KIF6: variants seen among roughly 807,000 people sequenced by gnomAD.
KIF6 encodes the protein kinesin family member 6.
In KIF6, 106 loss-of-function variants were observed where a neutral mutation model predicts 112.7. That is an observed-to-expected ratio of 0.94 (90% CI 0.80 to 1.11). The LOEUF is 1.11. Among genes scored for constraint, KIF6 ranks in the 50% least tolerant of loss-of-function variants. KIF6 has a pLI of 0.00. For synonymous variants in KIF6, 339 were observed against 339.9 expected, an observed-to-expected ratio of 1.00 and a Z score of 0.03; for missense variants, 929 against 964.0, an observed-to-expected ratio of 0.96 and a Z score of 0.48.
At chr6:39,488,226 T>C (rs764631214) in intron 13 of KIF6, among the ~76,000 whole-genome samples, 2 of 152,240 alleles carry the variant, frequency 1.3e-5, no homozygotes, top group Non-Finnish European at 2.9e-5. Context: ...CTAGGAGAAG[T>C]AATGCTTAAA....
At chr6:39,709,757 G>C (rs1789430310) in intron 3 of KIF6, among the ~76,000 whole-genome samples, 1 of 152,182 alleles carries the variant, frequency 6.6e-6, no homozygotes, top group Admixed American at 6.5e-5. Flanking sequence ...TAAAGGGCTA[G>C]TTTAAAGTGG....
chr6:39,585,551 A>C (rs1247497707), intron 8 of KIF6, among the ~76,000 whole-genome samples: 1 of 152,218 alleles, frequency 6.6e-6, no homozygotes, highest in East Asian at 1.9e-4. Context: ...AAAGTGAGAG[A>C]TCACAAGGTC....
chr6:39,535,467 G>C (rs1778363923), intron 13 of KIF6, among the ~76,000 whole-genome samples: 1 of 152,050 alleles, frequency 6.6e-6, no homozygotes, highest in Non-Finnish European at 1.5e-5. Flanking sequence ...AGACAAAGAA[G>C]GCCATTACAT....
intron 3 of KIF6, among the ~76,000 whole-genome samples, chr6:39,699,536 G>T (rs1404819222): frequency 1.3e-5 from 2 of 152,142 alleles, no homozygotes; most frequent in Non-Finnish European, 2.9e-5. Context: ...GTTTACAAGG[G>T]GGAAGTGGAT....
intron 19 of KIF6, among the ~76,000 whole-genome samples, chr6:39,351,076 G>A (rs893869445): frequency 1.4e-4 from 21 of 152,070 alleles, no homozygotes. Flanking sequence ...CACCGAAGGG[G>A]CTTGGGGTGG....
intron 14 of KIF6, among the ~76,000 whole-genome samples, chr6:39,422,872 T>G (rs910538770): frequency 3.9e-5 from 6 of 152,104 alleles, no homozygotes; most frequent in Admixed American, 3.9e-4. Context: ...CGCATCCTCA[T>G]CCATGAGATG....
chr6:39,416,886 G>A (rs923327814), intron 15 of KIF6, among the ~76,000 whole-genome samples: 4 of 152,090 alleles, frequency 2.6e-5, no homozygotes, highest in Admixed American at 6.5e-5. Flanking sequence ...GGCCAATTAC[G>A]TGTGTACCCC....
intron 6 of KIF6, among the ~76,000 whole-genome samples, chr6:39,612,569 C>G (rs1783273987): frequency 6.6e-6 from 1 of 152,176 alleles, no homozygotes; most frequent in African/African-American, 2.4e-5. Flanking sequence ...GTCAGATTAA[C>G]AATGAATAAT....
intron 13 of KIF6, among the ~76,000 whole-genome samples, chr6:39,460,644 A>G (rs1290539219): frequency 6.6e-6 from 1 of 151,776 alleles, no homozygotes. Context: ...GATAACAACT[A>G]TGGGAATAAA....
chr6:39,690,380 A>G (rs1342962254), intron 3 of KIF6: 1 of 152,210 alleles, frequency 6.6e-6, no homozygotes, highest in Non-Finnish European at 1.5e-5. Flanking sequence ...TAAGGAACTT[A>G]TACTTCATTC....
chr6:39,597,867 T>C (rs1230011812), intron 6 of KIF6, among the ~76,000 whole-genome samples: 1 of 152,046 alleles, frequency 6.6e-6, no homozygotes, highest in African/African-American at 2.4e-5. Context: ...AAAACATTAA[T>C]AATAAATAAA....
intron 15 of KIF6, among the ~76,000 whole-genome samples, chr6:39,400,261 A>G (rs2150338041): frequency 6.6e-6 from 1 of 152,290 alleles, no homozygotes; most frequent in South Asian, 2.1e-4. Flanking sequence ...GGTGGCTTAT[A>G]AAGGCGAGCA....
At position 39,625,373 on chromosome 6, in the gene KIF6, C is replaced by T. The variant is rs190750193; in HGVS notation, c.509+9476G>A. Among the ~76,000 whole-genome samples, 85 of 152,238 alleles carry T rather than the reference C, an allele frequency of 5.6e-4. 1 individual carries two copies. The South Asian group carries it at 0.012, about 22-fold the overall frequency. The stretch of plus-strand genomic sequence containing the variant: ...GCTTCGTGTGGAATTATGTCATTTT[C>T]GGGCTATGGGGGCTTTCTATTCCTT... On this transcript the variant is annotated intron_variant, in intron 5 of 22. Coordinates refer to ENST00000287152, the MANE Select transcript of KIF6 (RefSeq NM_145027.6).
intron 3 of KIF6, among the ~76,000 whole-genome samples, chr6:39,642,692 G>A (rs894524188): frequency 5.9e-5 from 9 of 152,048 alleles, no homozygotes; most frequent in African/African-American, 2.2e-4. Context: ...AAACAAGAAC[G>A]TAACCAAAAA....
rs148840262 is a variant in KIF6 at position 39,337,304 on chromosome 6, C to T, written c.2429-756G>A. On this transcript the variant is annotated intron_variant, in intron 22 of 22. Coordinates refer to ENST00000287152, the MANE Select transcript of KIF6 (RefSeq NM_145027.6). ...CCTTCCCCTCTTCCTTCCTTCCTTC[C>T]TTCTTTCTTTTTCTTTCTTTTCTTT... 9.8e-3 allele frequency among the ~76,000 whole-genome samples: 1,390 copies of T among 141,774 alleles called. 28 individuals carry two copies. Among genetic ancestry groups the T allele is most frequent in the African/African-American group, 0.035 (1,287 of 37,220 alleles). The allele number at this position is 141,774 out of a possible 152,430, so 93.0% of individuals were successfully genotyped here.
chr6:39,627,748 C>T (rs1038866548), intron 5 of KIF6, among the ~76,000 whole-genome samples: 2 of 152,040 alleles, frequency 1.3e-5, no homozygotes, highest in African/African-American at 2.4e-5. Context: ...CCATGACAAT[C>T]GTTAGAATCT....
At chr6:39,433,179 T>C (rs17430612) in intron 13 of KIF6, among the ~76,000 whole-genome samples, 3,417 of 152,338 alleles carry the variant, frequency 0.022, 70 homozygotes, top group Non-Finnish European at 0.029. Context: ...TGAGCAACCA[T>C]TGGGACTAAC....
At chr6:39,710,296 C>T (rs1481752825) in intron 3 of KIF6, among the ~76,000 whole-genome samples, 1 of 152,102 alleles carries the variant, frequency 6.6e-6, no homozygotes, top group African/African-American at 2.4e-5. Context: ...TCCCCATAGA[C>T]ACATGGGTAG....
chr6:39,618,428 A>G (rs991065392), intron 5 of KIF6, among the ~76,000 whole-genome samples: 23 of 152,138 alleles, frequency 1.5e-4, no homozygotes, highest in African/African-American at 5.1e-4. Flanking sequence ...AAAACCTGAC[A>G]AACTGAATTC....
Sources: gnomAD v4.1 joint callset for allele counts (sites outside exome capture counted in the v4.1 genomes callset) on GRCh38, gnomAD v4.1.1 for gene constraint, MANE v1.5 for transcripts, NCBI Gene and HGNC (gene_info 2026-07-23, HGNC 2026-07-21) for gene names.